LRRC4C: variants seen among roughly 807,000 people sequenced by gnomAD.
The protein encoded by LRRC4C is leucine-rich repeat-containing protein 4C.
LRRC4C carries 5 observed loss-of-function variants against 33.6 expected under a neutral mutation model. That is an observed-to-expected ratio of 0.15 (90% confidence interval 0.08 to 0.31). LRRC4C has a LOEUF of 0.31. LRRC4C is among the 10% of genes least tolerant of loss of function. The probability of loss-of-function intolerance (pLI) is 1.00; values close to 1 mark genes in which losing one functional copy is unlikely to be tolerated. For synonymous variants in LRRC4C, 329 were observed against 302.0 expected (o/e 1.09, Z -0.93); for missense variants, 560 against 796.7 (o/e 0.70, Z 3.58).
chr11:40,542,857 G>A (rs1956778536), intron 3 of LRRC4C, among the ~76,000 whole-genome samples: 1 of 152,008 alleles, frequency 6.6e-6, no homozygotes, highest in Non-Finnish European at 1.5e-5. Context: ...TTTATTGACT[G>A]TTTTTGCTTT....
At chr11:40,688,594 A>G (rs1945073858) in intron 2 of LRRC4C, among the ~76,000 whole-genome samples, 1 of 152,104 alleles carries the variant, frequency 6.6e-6, no homozygotes, top group Non-Finnish European at 1.5e-5. Flanking sequence ...GATGGCTGAG[A>G]GTCCGATTGC....
intron 1 of LRRC4C, among the ~76,000 whole-genome samples, chr11:41,313,584 A>G (rs1187953791): frequency 3.3e-5 from 5 of 152,220 alleles, no homozygotes; most frequent in Admixed American, 1.3e-4. Flanking sequence ...GCTCATTTAC[A>G]TAGTAATTCA....
At chr11:41,108,340 G>T (rs1941634817) in intron 1 of LRRC4C, among the ~76,000 whole-genome samples, 1 of 151,986 alleles carries the variant, frequency 6.6e-6, no homozygotes, top group South Asian at 2.1e-4. Flanking sequence ...CTCATTTAGA[G>T]CCTTACCACG....
chr11:40,306,351 C>T (rs1945030080), intron 4 of LRRC4C, among the ~76,000 whole-genome samples: 2 of 152,210 alleles, frequency 1.3e-5, no homozygotes, highest in South Asian at 4.2e-4. Context: ...TTAAATAAGT[C>T]TAATAATTCC....
intron 1 of LRRC4C, among the ~76,000 whole-genome samples, chr11:41,039,592 T>C (rs750271729): frequency 1.3e-5 from 2 of 152,182 alleles, no homozygotes; most frequent in Non-Finnish European, 2.9e-5. Flanking sequence ...ATTTTGTAAA[T>C]AACTGGAGTT....
At chr11:41,240,532 T>G (rs1948206820) in intron 1 of LRRC4C, among the ~76,000 whole-genome samples, 1 of 152,290 alleles carries the variant, frequency 6.6e-6, no homozygotes. Flanking sequence ...AGCACTCTGG[T>G]TTATACAAGT....
At chr11:40,269,541 T>G (rs780764366) in intron 4 of LRRC4C, among the ~76,000 whole-genome samples, 29 of 152,088 alleles carry the variant, frequency 1.9e-4, no homozygotes, top group Middle Eastern at 3.2e-3. Flanking sequence ...ATTTCATACT[T>G]GCTCTTAATA....
intron 2 of LRRC4C, among the ~76,000 whole-genome samples, chr11:40,664,242 G>C (rs942603830): frequency 6.6e-6 from 1 of 152,026 alleles, no homozygotes; most frequent in Non-Finnish European, 1.5e-5. Flanking sequence ...ATTTTAAAAA[G>C]TTAAAGAAAA....
intron 3 of LRRC4C, among the ~76,000 whole-genome samples, chr11:40,533,993 A>C (rs1353353): frequency 0.36 from 55,371 of 152,048 alleles, 11,196 homozygotes; most frequent in East Asian, 0.65. Flanking sequence ...CTTAGTGCTC[A>C]CAAGATTTTG....
At chr11:41,119,717 A>C (rs1942326533) in intron 1 of LRRC4C, among the ~76,000 whole-genome samples, 1 of 152,184 alleles carries the variant, frequency 6.6e-6, no homozygotes, top group Non-Finnish European at 1.5e-5. Context: ...ATTATGAAAT[A>C]TGTGTTTCCT....
chr11:40,347,871 G>T (rs916226451), intron 3 of LRRC4C, among the ~76,000 whole-genome samples: 1 of 152,226 alleles, frequency 6.6e-6, no homozygotes, highest in East Asian at 1.9e-4. Context: ...GCCTCCCAAA[G>T]TGCTGGTATT....
At chr11:40,122,952 TAC>T (rs371461809) in intron 6 of LRRC4C, among the ~76,000 whole-genome samples, 31 of 140,400 alleles carry the variant, frequency 2.2e-4, no homozygotes, top group African/African-American at 6.5e-4. Context: ...TATATATTTA[TAC>T]ACACACACAC....
At chr11:40,262,101 C>T (rs569502132) in intron 4 of LRRC4C, among the ~76,000 whole-genome samples, 169 of 152,198 alleles carry the variant, frequency 1.1e-3, no homozygotes, top group African/African-American at 3.8e-3. Context: ...GGCTAATATC[C>T]AGAATCTACA....
intron 3 of LRRC4C, among the ~76,000 whole-genome samples, chr11:40,473,401 AC>A (rs1398648191): frequency 6.6e-6 from 1 of 152,014 alleles, no homozygotes; most frequent in Non-Finnish European, 1.5e-5. Flanking sequence ...AAAATTAAAC[AC>A]CCCTTCATGC....
chr11:40,595,907 G>A (rs1297513272), intron 3 of LRRC4C, among the ~76,000 whole-genome samples: 1 of 152,158 alleles, frequency 6.6e-6, no homozygotes, highest in Non-Finnish European at 1.5e-5. Context: ...GAAGTCTATA[G>A]CGACGGGGTA....
At chr11:40,130,187 C>T (rs928098222) in intron 6 of LRRC4C, among the ~76,000 whole-genome samples, 1 of 152,050 alleles carries the variant, frequency 6.6e-6, no homozygotes, top group African/African-American at 2.4e-5. Context: ...TTTAAAATCT[C>T]GAGCTCCATG....
At chr11:40,714,168 A>G (rs1946599588) in intron 2 of LRRC4C, among the ~76,000 whole-genome samples, 1 of 152,192 alleles carries the variant, frequency 6.6e-6, no homozygotes. Context: ...GCTACAGTCA[A>G]GCATCAAGAT....
chr11:40,527,187 T>C (rs1385845433), intron 3 of LRRC4C, among the ~76,000 whole-genome samples: 2 of 152,138 alleles, frequency 1.3e-5, no homozygotes, highest in African/African-American at 2.4e-5. Context: ...GTTTATTCAA[T>C]CTGGGAGCAC....
At chr11:40,727,314 G>A (rs1474899036) in intron 2 of LRRC4C, among the ~76,000 whole-genome samples, 1 of 152,044 alleles carries the variant, frequency 6.6e-6, no homozygotes, top group African/African-American at 2.4e-5. Context: ...TAAGCAATAG[G>A]GGAAGGAGTC....
Sources: allele counts gnomAD v4.1 joint callset (sites outside exome capture counted in the v4.1 genomes callset), GRCh38; gene constraint gnomAD v4.1.1; transcripts MANE v1.5; gene names NCBI Gene and HGNC (gene_info 2026-07-23, HGNC 2026-07-21).